The following NECTIN3 variants were observed in gnomAD, a reference collection of about 807,000 sequenced individuals.
NECTIN3 encodes the protein nectin cell adhesion molecule 3, also known as nectin-3.
In NECTIN3, 8 loss-of-function variants were observed where a neutral mutation model predicts 49.4. The ratio of observed to expected loss-of-function variants is 0.16; its 90% confidence interval spans 0.10 to 0.29. NECTIN3 has a LOEUF of 0.29. Among genes scored for constraint, NECTIN3 ranks in the 10% least tolerant of loss-of-function variants. The pLI, the probability that NECTIN3 is intolerant of heterozygous loss-of-function variation, is 1.00. For missense variants in NECTIN3, 581 were observed against 654.6 expected, an observed-to-expected ratio of 0.89 and a Z score of 1.23; for synonymous variants, 277 against 241.1, an observed-to-expected ratio of 1.15 and a Z score of -1.38.
intron 1 of NECTIN3, among the ~76,000 whole-genome samples, chr3:111,094,375 A>G (rs537631165): frequency 3.3e-5 from 5 of 152,324 alleles, no homozygotes; most frequent in African/African-American, 1.2e-4. Context: ...AGGTACTCCT[A>G]TTTTTAATAT....
chr3:111,146,214 C>G (rs901018560), intron 6 of NECTIN3, among the ~76,000 whole-genome samples: 8 of 152,080 alleles, frequency 5.3e-5, no homozygotes. Flanking sequence ...GCGGGCGGAT[C>G]ACGAGGTCAG....
intron 7 of NECTIN3, among the ~76,000 whole-genome samples, chr3:111,150,682 C>A (rs1381468004): frequency 6.6e-6 from 1 of 151,666 alleles, no homozygotes; most frequent in African/African-American, 2.4e-5. Context: ...AAATAGTCTC[C>A]CTTTTCCAAC....
intron 5 of NECTIN3, among the ~76,000 whole-genome samples, chr3:111,129,337 T>G (rs2107485469): frequency 6.6e-6 from 1 of 152,318 alleles, no homozygotes; most frequent in Non-Finnish European, 1.5e-5. Context: ...CATGTAAATA[T>G]GTAAAATATT....
chr3:111,114,010 C>A (rs7637704), intron 2 of NECTIN3, among the ~76,000 whole-genome samples: 6,967 of 151,936 alleles, frequency 0.046, 543 homozygotes, highest in African/African-American at 0.16. Flanking sequence ...AAATAAATAA[C>A]AAGTACTTTG....
chr3:111,079,918 A>G (rs1055195360), intron 1 of NECTIN3, among the ~76,000 whole-genome samples: 3 of 152,190 alleles, frequency 2.0e-5, no homozygotes, highest in East Asian at 1.9e-4. Context: ...TTAAAAGCAG[A>G]GTGAACTTCA....
chr3:111,181,432 A>G (rs1459705742), intron 7 of NECTIN3, among the ~76,000 whole-genome samples: 2 of 152,002 alleles, frequency 1.3e-5, no homozygotes, highest in African/African-American at 4.8e-5. Context: ...CTTTTTTTGT[A>G]ATGTATTTTT....
chr3:111,169,079 CT>C (rs142606359), intron 7 of NECTIN3, among the ~76,000 whole-genome samples: 3,603 of 103,974 alleles, frequency 0.035, 102 homozygotes, highest in African/African-American at 0.095. Flanking sequence ...ACTATTCAAA[CT>C]TTTTTTTTTT....
intron 7 of NECTIN3, among the ~76,000 whole-genome samples, chr3:111,167,131 T>G (rs2035334648): frequency 6.6e-6 from 1 of 152,224 alleles, no homozygotes; most frequent in Non-Finnish European, 1.5e-5. Context: ...CACATTCACT[T>G]TGTAAAATTG....
chr3:111,118,188 C>T (rs932438938), intron 2 of NECTIN3, among the ~76,000 whole-genome samples: 1 of 142,132 alleles, frequency 7.0e-6, no homozygotes, highest in African/African-American at 2.6e-5. Flanking sequence ...AACAGTAAGT[C>T]ATAATCATAA....
chr3:111,139,808 A>C (rs1357429769), downstream of NECTIN3, among the ~76,000 whole-genome samples: 1 of 151,854 alleles, frequency 6.6e-6, no homozygotes, highest in Non-Finnish European at 1.5e-5. Flanking sequence ...ATGTGCTACT[A>C]CAGCAGTTTG....
At chr3:111,192,254 A>G (rs2107539719), upstream of NECTIN3, 3 of 1,119,412 alleles carry the variant, frequency 2.7e-6, no homozygotes, top group South Asian at 2.9e-5. Flanking sequence ...GACATTTATA[A>G]CAAGACATGA....
chr3:111,189,779 A>C (rs2035781403), upstream of NECTIN3, among the ~76,000 whole-genome samples: 2 of 152,236 alleles, frequency 1.3e-5, no homozygotes, highest in South Asian at 4.1e-4. Context: ...TCAAGATGGC[A>C]TTATTAGGTA....
intron 2 of NECTIN3, among the ~76,000 whole-genome samples, chr3:111,115,930 C>A (rs935526840): frequency 2.3e-5 from 1 of 42,810 alleles, no homozygotes. Flanking sequence ...TAAATGGGCA[C>A]ATCTGAATAA....
chr3:111,115,081 T>G (rs2033635291), intron 2 of NECTIN3, among the ~76,000 whole-genome samples: 1 of 152,158 alleles, frequency 6.6e-6, no homozygotes, highest in Non-Finnish European at 1.5e-5. Context: ...TACTATTCAT[T>G]GTAGACAGCA....
At position 111,162,136 on chromosome 3, in the gene NECTIN3, G is replaced by T. The variant is rs926081271; in HGVS notation, c.1221+14652G>T. Among the ~76,000 whole-genome samples the T allele has an allele frequency of 2.6e-5, 4 of 151,930 alleles. No homozygotes were observed. The East Asian group carries it at 7.7e-4, about 29-fold the overall frequency. ...GCAATATCTTTGCAGGGTTTTCTTG[G>T]GGGGTGGGTCACGCTTTGTGATTTA... On this transcript the variant is annotated intron_variant, in intron 7 of 8. Coordinates refer to the NECTIN3 transcript ENST00000493615.
exon 6 of NECTIN3, chr3:111,145,012 A>C: frequency 6.5e-7 from 1 of 1,536,564 alleles, no homozygotes; most frequent in Non-Finnish European, 8.7e-7. Context: ...TCCTCGAAAA[A>C]AAAGACCATC....
At chr3:111,122,075 A>G (rs1338553565) in intron 3 of NECTIN3, 46 bp from the exon 4 acceptor site, 1 of 1,257,164 alleles carries the variant, frequency 8.0e-7, no homozygotes, top group Non-Finnish European at 1.2e-6. Context: ...TATTGCATTT[A>G]TCATTAACAA....
At chr3:111,121,980 G>A (rs2033976154) in intron 3 of NECTIN3, 141 bp from the exon 4 acceptor site, 1 of 577,838 alleles carries the variant, frequency 1.7e-6, no homozygotes, top group African/African-American at 1.9e-5. Context: ...AGTGTCTTCT[G>A]TATTGATTAT....
intron 5 of NECTIN3, among the ~76,000 whole-genome samples, chr3:111,131,532 G>T (rs982683517): frequency 6.6e-6 from 1 of 151,918 alleles, no homozygotes; most frequent in African/African-American, 2.4e-5. Context: ...TACTAGTGAG[G>T]CTCAGTTATT....
Sources: allele counts gnomAD v4.1 joint callset (sites outside exome capture counted in the v4.1 genomes callset), GRCh38; gene constraint gnomAD v4.1.1; transcripts MANE v1.5; gene names NCBI Gene and HGNC (gene_info 2026-07-23, HGNC 2026-07-21).